The following NBAS variants were observed in gnomAD, a reference collection of about 807,000 sequenced individuals.
The protein encoded by NBAS is NBAS subunit of NRZ tethering complex, also known as NAG/BC035112 fusion.
A neutral mutation model predicts 302.5 loss-of-function variants in NBAS; 219 were observed. The observed-to-expected ratio is 0.72, with a 90% CI of 0.65 to 0.81. The LOEUF (loss-of-function observed/expected upper bound fraction) is 0.81. Ranked by LOEUF, NBAS falls within the 30% of genes least tolerant of loss-of-function variation. The pLI, the probability that NBAS is intolerant of heterozygous loss-of-function variation, is 0.00. For missense variants in NBAS, 2,932 were observed against 2,841.6 expected (o/e 1.03, Z -0.72); for synonymous variants, 1,118 against 1,021.6 (o/e 1.09, Z -1.80).
chr2:14,782,273 C>T, the NBAS span, among the ~76,000 whole-genome samples: 1 of 151,896 alleles, frequency 6.6e-6, no homozygotes, highest in Non-Finnish European at 1.5e-5. Context: ...AAACAATGTT[C>T]CCCCCATTAA....
chr2:15,113,873 C>A, the NBAS span, among the ~76,000 whole-genome samples: 23 of 151,966 alleles, frequency 1.5e-4, no homozygotes, highest in Admixed American at 7.9e-4. Flanking sequence ...CAAAAACCAC[C>A]ATTTTATAAT....
the NBAS span, among the ~76,000 whole-genome samples, chr2:14,816,906 A>G: frequency 6.6e-6 from 1 of 152,216 alleles, no homozygotes; most frequent in Non-Finnish European, 1.5e-5. Flanking sequence ...ACAAGTGGGA[A>G]AAGAACTCAT....
intron 48 of NBAS, among the ~76,000 whole-genome samples, chr2:15,198,027 T>C (rs946192184): frequency 4.6e-5 from 7 of 152,228 alleles, no homozygotes; most frequent in East Asian, 1.9e-4. Context: ...TGTCTTCATA[T>C]ATTGTGAGAC....
At chr2:14,788,746 G>T in the NBAS span, among the ~76,000 whole-genome samples, 1 of 152,120 alleles carries the variant, frequency 6.6e-6, no homozygotes, top group Non-Finnish European at 1.5e-5. Context: ...CCTACTGGGG[G>T]GTGCCTCCCA....
At chr2:15,182,120 C>T (rs574000536) in intron 50 of NBAS, among the ~76,000 whole-genome samples, 1 of 152,324 alleles carries the variant, frequency 6.6e-6, no homozygotes, top group East Asian at 1.9e-4. Context: ...CCTGGGCCAA[C>T]TGGGCACTGC....
chr2:14,959,156 C>T, the NBAS span, among the ~76,000 whole-genome samples: 9 of 152,166 alleles, frequency 5.9e-5, no homozygotes, highest in African/African-American at 2.2e-4. Context: ...CTTGCACAAG[C>T]CACTTCAGCT....
At position 15,377,937 on chromosome 2, in the gene NBAS, T is replaced by C. The variant is rs367997725; in HGVS notation, c.3590+1665A>G. ...ATTTAAATACTGAGTGGATAATTCC[T>C]ATCAAATAAAATGTATAATCTCTTA... is the stretch of plus-strand genomic sequence containing the variant. On this transcript the variant is annotated intron_variant, in intron 30 of 51. Coordinates refer to ENST00000281513, the MANE Select transcript of NBAS (RefSeq NM_015909.4). Among the ~76,000 whole-genome samples the C allele has an allele frequency of 1.4e-4, 21 of 152,360 alleles. No homozygotes were observed. The East Asian group carries it at 4.0e-3, about 29-fold the overall frequency.
At chr2:15,151,784 G>A in the NBAS span, among the ~76,000 whole-genome samples, 1 of 152,154 alleles carries the variant, frequency 6.6e-6, no homozygotes, top group Non-Finnish European at 1.5e-5. Context: ...CAGTCTCCTA[G>A]TATTATCCTC....
intron 38 of NBAS, among the ~76,000 whole-genome samples, chr2:15,321,749 G>A (rs906009061): frequency 6.6e-6 from 1 of 152,152 alleles, no homozygotes; most frequent in African/African-American, 2.4e-5. Context: ...ACAGATGCTA[G>A]AGAGGATGTG....
intron 48 of NBAS, among the ~76,000 whole-genome samples, chr2:15,215,045 T>C (rs1453575511): frequency 2.0e-5 from 3 of 152,184 alleles, no homozygotes; most frequent in Admixed American, 6.5e-5. Flanking sequence ...TTTTGCCCCA[T>C]ATTTTTCATG....
intron 38 of NBAS, among the ~76,000 whole-genome samples, chr2:15,325,216 A>G (rs939562824): frequency 3.3e-5 from 5 of 152,212 alleles, no homozygotes; most frequent in African/African-American, 1.2e-4. Context: ...TTTGTTCCAG[A>G]CTACTGCAAT....
intron 31 of NBAS, 90 bp downstream of exon 31, chr2:15,374,518 C>T: frequency 1.8e-6 from 2 of 1,083,888 alleles, no homozygotes; most frequent in Admixed American, 1.7e-5. Flanking sequence ...ATGACCAAAG[C>T]TACTCTTTAG....
chr2:14,843,557 G>GACACACACAC, the NBAS span, among the ~76,000 whole-genome samples: 39 of 147,118 alleles, frequency 2.7e-4, no homozygotes, highest in African/African-American at 9.6e-4. Context: ...TACAGACACA[G>GACACACACAC]ACACACACAC....
chr2:14,988,597 GA>G, the NBAS span, among the ~76,000 whole-genome samples: 1 of 152,074 alleles, frequency 6.6e-6, no homozygotes, highest in South Asian at 2.1e-4. Flanking sequence ...GGAAGATTAA[GA>G]TACCAGTTAG....
chr2:14,883,823 T>C, the NBAS span, among the ~76,000 whole-genome samples: 2 of 151,796 alleles, frequency 1.3e-5, no homozygotes, highest in Non-Finnish European at 2.9e-5. Context: ...TACCTGGGCG[T>C]GGTGGCACAC....
chr2:15,378,072 C>T (rs1558285384), intron 30 of NBAS, among the ~76,000 whole-genome samples: 2 of 152,088 alleles, frequency 1.3e-5, no homozygotes, highest in East Asian at 3.9e-4. Context: ...TGCTAGAGAC[C>T]ATAGCCACCT....
chr2:14,985,636 G>A, the NBAS span, among the ~76,000 whole-genome samples: 3 of 152,194 alleles, frequency 2.0e-5, no homozygotes, highest in Non-Finnish European at 4.4e-5. Context: ...ATTGAGGACA[G>A]GGGCTCTTTC....
At chr2:14,843,583 A>ACACACACACACACACAC in the NBAS span, among the ~76,000 whole-genome samples, 5 of 94,202 alleles carry the variant, frequency 5.3e-5, no homozygotes, top group African/African-American at 6.6e-4. Context: ...CACACACACA[A>ACACACACACACACACAC]AAATACCTTC....
At chr2:15,295,303 C>T (rs1670496020) in intron 40 of NBAS, among the ~76,000 whole-genome samples, 1 of 152,178 alleles carries the variant, frequency 6.6e-6, no homozygotes, top group South Asian at 2.1e-4. Context: ...ATGTAATCTG[C>T]AGAAAGTTTT....
Sources: gnomAD v4.1 joint callset for allele counts (sites outside exome capture counted in the v4.1 genomes callset) on GRCh38, gnomAD v4.1.1 for gene constraint, MANE v1.5 for transcripts, NCBI Gene and HGNC (gene_info 2026-07-23, HGNC 2026-07-21) for gene names.